Variants in DAB1 observed in about 807,000 individuals in gnomAD.
DAB1 encodes DAB adaptor protein 1, also known as disabled homolog 1.
In DAB1, 15 loss-of-function variants were observed where a neutral mutation model predicts 64.6. The observed-to-expected ratio is 0.23, with a 90% confidence interval of 0.16 to 0.36. The LOEUF is 0.36. Among genes scored for constraint, DAB1 ranks in the 10% least tolerant of loss-of-function variants. The pLI, the probability that DAB1 is intolerant of heterozygous loss-of-function variation, is 1.00. For synonymous variants in DAB1, 235 were observed against 251.9 expected (o/e 0.93, Z 0.64); for missense variants, 596 against 706.7 (o/e 0.84, Z 1.78).
intron 5 of DAB1, among the ~76,000 whole-genome samples, chr1:58,108,945 G>T (rs1481452725): frequency 6.6e-6 from 1 of 152,166 alleles, no homozygotes; most frequent in Non-Finnish European, 1.5e-5. Context: ...GAACAGTCTG[G>T]TTGAAAGAAG....
At chr1:57,055,458 T>C (rs1222840131) in intron 9 of DAB1, among the ~76,000 whole-genome samples, 2 of 151,920 alleles carry the variant, frequency 1.3e-5, no homozygotes, top group Admixed American at 1.3e-4. Context: ...TCAAGAAGGG[T>C]TAAAACTAGG....
At chr1:58,180,348 A>C (rs1398401412) in intron 4 of DAB1, among the ~76,000 whole-genome samples, 1 of 122,638 alleles carries the variant, frequency 8.2e-6, no homozygotes, top group Non-Finnish European at 1.6e-5. Context: ...ACTGGAGTGC[A>C]GTGGTGTAAT....
intron 4 of DAB1, among the ~76,000 whole-genome samples, chr1:58,173,014 C>T (rs950147722): frequency 1.3e-5 from 2 of 152,176 alleles, no homozygotes; most frequent in African/African-American, 2.4e-5. Flanking sequence ...TCTTACACTG[C>T]CAAGCCATCA....
intron 2 of DAB1, among the ~76,000 whole-genome samples, chr1:57,186,996 T>G (rs1032249244): frequency 2.0e-5 from 3 of 152,212 alleles, no homozygotes; most frequent in Non-Finnish European, 4.4e-5. Context: ...GTCAATTTTT[T>G]ATGGTTATTG....
rs59449665 is a variant in DAB1 at position 58,031,989 on chromosome 1, CGTGTGTGTGTGTGT to C, written n.387+118508_387+118521del. On this transcript the variant is annotated intron_variant and non_coding_transcript_variant, in intron 5 of 20. Coordinates refer to the DAB1 transcript ENST00000485760. Reference sequence around the variant, plus strand: ...TCACAGCTGCAAGTACTGATAGAAACGTGTGTGTGTGTGTGTGTGTGTGTGTGTGTGTGTGTGTG... The same window carrying C: ...TCACAGCTGCAAGTACTGATAGAAACGTGTGTGTGTGTGTGTGTGTGTGTG... 1.3e-3 allele frequency among the ~76,000 whole-genome samples: 179 copies of C among 141,982 alleles called. 1 individual carries two copies. The highest frequency in any genetic ancestry group is 0.01 in the East Asian group (48 of 4,668). The allele number at this position is 141,982 out of a possible 152,430, so 93.1% of individuals were successfully genotyped here. A position where few individuals can be genotyped will look rare whatever the true frequency, so the allele number is the denominator to read the frequency against.
chr1:57,925,034 T>C (rs1290537169), intron 5 of DAB1, among the ~76,000 whole-genome samples: 8 of 152,170 alleles, frequency 5.3e-5, no homozygotes, highest in Admixed American at 3.9e-4. Flanking sequence ...CGAATATCTG[T>C]GCACTTTTCA....
intron 7 of DAB1, among the ~76,000 whole-genome samples, chr1:57,467,120 A>G (rs761869689): frequency 7.2e-5 from 11 of 152,180 alleles, no homozygotes; most frequent in Non-Finnish European, 1.2e-4. Flanking sequence ...CAGGGTATCA[A>G]ATTCACTGAG....
chr1:58,048,544 A>G, intron 5 of DAB1: 2 of 1,141,364 alleles, frequency 1.8e-6, no homozygotes, highest in South Asian at 2.5e-5. Context: ...CATAACCACC[A>G]TAATTGCCAA....
intron 2 of DAB1, among the ~76,000 whole-genome samples, chr1:57,276,220 C>T (rs1671447914): frequency 6.6e-6 from 1 of 152,226 alleles, no homozygotes; most frequent in Non-Finnish European, 1.5e-5. Context: ...TAACTGTTCT[C>T]ACTCATCGCC....
chr1:58,421,992 A>G (rs1644776933), intron 3 of DAB1, among the ~76,000 whole-genome samples: 5 of 146,738 alleles, frequency 3.4e-5, no homozygotes, highest in Admixed American at 3.4e-4. Flanking sequence ...GCTATTAAGT[A>G]GACGTCAAAA....
intron 4 of DAB1, among the ~76,000 whole-genome samples, chr1:58,323,830 C>T (rs1046262496): frequency 1.3e-5 from 2 of 149,280 alleles, no homozygotes; most frequent in South Asian, 4.3e-4. Flanking sequence ...GAGGCTGAGG[C>T]AGGAGAATGG....
chr1:58,512,557 T>G (rs532092184), intron 2 of DAB1, among the ~76,000 whole-genome samples: 1 of 152,174 alleles, frequency 6.6e-6, no homozygotes, highest in Non-Finnish European at 1.5e-5. Context: ...CATCAAAATA[T>G]TATTTGGCCT....
At chr1:57,612,846 A>G (rs918951639) in intron 7 of DAB1, among the ~76,000 whole-genome samples, 1 of 152,168 alleles carries the variant, frequency 6.6e-6, no homozygotes, top group Admixed American at 6.6e-5. Flanking sequence ...TATTTCCTAG[A>G]ATAGTGCTTA....
At chr1:57,543,356 C>A (rs902869896) in intron 7 of DAB1, among the ~76,000 whole-genome samples, 2 of 152,136 alleles carry the variant, frequency 1.3e-5, no homozygotes, top group African/African-American at 4.8e-5. Context: ...GCTGTTTCTG[C>A]AATTTTCCTG....
chr1:57,805,753 G>A (rs767969442), intron 6 of DAB1, among the ~76,000 whole-genome samples: 4 of 151,982 alleles, frequency 2.6e-5, no homozygotes, highest in Non-Finnish European at 2.9e-5. Flanking sequence ...TGGAGCTTAT[G>A]GCAACTCCAC....
At chr1:57,059,704 A>G (rs1283537183) in intron 9 of DAB1, among the ~76,000 whole-genome samples, 1 of 151,974 alleles carries the variant, frequency 6.6e-6, no homozygotes, top group African/African-American at 2.4e-5. Flanking sequence ...TTTCCAATAC[A>G]TAAACTACTC....
intron 5 of DAB1, among the ~76,000 whole-genome samples, chr1:58,075,028 C>T (rs947314421): frequency 2.0e-5 from 3 of 152,108 alleles, no homozygotes; most frequent in Non-Finnish European, 2.9e-5. Flanking sequence ...CCAACAGAAC[C>T]CAGCTCAAAT....
intron 7 of DAB1, among the ~76,000 whole-genome samples, chr1:57,448,560 T>C (rs1353322187): frequency 6.6e-6 from 1 of 152,252 alleles, no homozygotes; most frequent in African/African-American, 2.4e-5. Flanking sequence ...TTTGTCACCT[T>C]TGATGGATTT....
chr1:58,160,729 TAATTTTGGGTAC>T (rs143865312), intron 4 of DAB1, among the ~76,000 whole-genome samples: 1,657 of 152,266 alleles, frequency 0.011, 32 homozygotes, highest in African/African-American at 0.038. Context: ...AGGCTTTAAA[TAATTTTGGGTAC>T]AATTTTGGGT....
Sources: gnomAD v4.1 joint callset for allele counts (sites outside exome capture counted in the v4.1 genomes callset) on GRCh38, gnomAD v4.1.1 for gene constraint, MANE v1.5 for transcripts, NCBI Gene and HGNC (gene_info 2026-07-23, HGNC 2026-07-21) for gene names.